The following RSBN1 variants were observed in gnomAD, a reference collection of about 807,000 sequenced individuals.
The protein encoded by RSBN1 is lysine-specific demethylase 9.
Under a neutral mutation model 74.8 loss-of-function variants are expected in RSBN1, and 23 were observed. The ratio of observed to expected loss-of-function variants is 0.31; its 90% CI spans 0.22 to 0.44. The LOEUF (loss-of-function observed/expected upper bound fraction) is 0.44, where lower values mean the gene tolerates loss of function less well. RSBN1 is among the 20% of genes least tolerant of loss of function. RSBN1 has a pLI of 1.00. For missense variants in RSBN1, 808 were observed against 1,020.9 expected (o/e 0.79, Z 2.84); for synonymous variants, 407 against 379.6 (o/e 1.07, Z -0.84).
intron 2 of RSBN1, among the ~76,000 whole-genome samples, chr1:113,790,928 G>C (rs1660351932): frequency 6.6e-6 from 1 of 152,118 alleles, no homozygotes; most frequent in African/African-American, 2.4e-5. Context: ...ATTTGAACTA[G>C]CAACCCCAAA....
At chr1:113,803,603 C>T (rs1282440774) in intron 1 of RSBN1, among the ~76,000 whole-genome samples, 1 of 152,054 alleles carries the variant, frequency 6.6e-6, no homozygotes, top group Non-Finnish European at 1.5e-5. Flanking sequence ...TTATAATAGT[C>T]CTAGAACATA....
chr1:113,783,739 T>G (rs892002418), intron 2 of RSBN1, among the ~76,000 whole-genome samples: 4 of 151,802 alleles, frequency 2.6e-5, no homozygotes, highest in Non-Finnish European at 5.9e-5. Context: ...CAACACAGAG[T>G]GGTAAAGAGC....
Position 113,767,220 on chromosome 1 carries a change from A to G in RSBN1, c.1827-13T>C. The G allele has an allele frequency of 6.7e-7, 1 of 1,488,044 alleles. No individual in the cohort carries two copies. The highest frequency in any genetic ancestry group is 1.4e-5 in the African/African-American group (1 of 71,128). 92.2% of individuals were successfully genotyped at this position (1,488,044 alleles called of 1,614,324 possible). The stretch of plus-strand genomic sequence containing the variant: ...AGGTTGGTCACTCCTAAGATTAACA[A>G]AATTAAGTTTCAGAGACAAACATCT... On this transcript the variant is annotated splice_polypyrimidine_tract_variant and intron_variant, in intron 5 of 6. Coordinates refer to ENST00000261441, the MANE Select transcript of RSBN1 (RefSeq NM_018364.5).
At chr1:113,774,596 G>T (rs919637431) in intron 4 of RSBN1, among the ~76,000 whole-genome samples, 6 of 152,092 alleles carry the variant, frequency 3.9e-5, no homozygotes, top group Admixed American at 1.3e-4. Flanking sequence ...AGAATGGTGT[G>T]AACCCGGGAG....
rs1375883693 is a variant in RSBN1, at chr1:113,765,603, T to A, written c.*377A>T. 3.9e-5 allele frequency: 7 copies of A among 180,436 alleles called. No individual in the cohort carries two copies. In the South Asian group the frequency reaches 8.8e-4, roughly 23 times the overall value. 11.2% of individuals were successfully genotyped at this position (180,436 alleles called of 1,614,324 possible). ...AGTACTAAACCATAAATCTTATTTA[T>A]CCATAAAAACAGCAAATATGGCAAG... On this transcript the variant is annotated 3_prime_UTR_variant, in exon 7 of 7. Coordinates refer to ENST00000261441, the MANE Select transcript of RSBN1 (RefSeq NM_018364.5).
intron 2 of RSBN1, among the ~76,000 whole-genome samples, chr1:113,783,843 T>C (rs954391253): frequency 2.0e-5 from 3 of 151,942 alleles, no homozygotes; most frequent in African/African-American, 4.8e-5. Flanking sequence ...AGGAACAGAG[T>C]TGCTTACCTC....
chr1:113,803,632 A>G (rs932213455), intron 1 of RSBN1, among the ~76,000 whole-genome samples: 13 of 152,218 alleles, frequency 8.5e-5, no homozygotes, highest in Non-Finnish European at 2.9e-5. Flanking sequence ...TCAATACATC[A>G]TAACTACTAT....
chr1:113,790,488 G>T (rs548059911), intron 2 of RSBN1, among the ~76,000 whole-genome samples: 1 of 152,260 alleles, frequency 6.6e-6, no homozygotes, highest in Admixed American at 6.5e-5. Context: ...TAACAGGAGA[G>T]AATGAGGAAA....
chr1:113,805,621 T>C (rs1464105820), intron 1 of RSBN1, among the ~76,000 whole-genome samples: 1 of 152,202 alleles, frequency 6.6e-6, no homozygotes, highest in African/African-American at 2.4e-5. Flanking sequence ...TTTTAAGCAT[T>C]TCACTTCATC....
intron 1 of RSBN1, among the ~76,000 whole-genome samples, chr1:113,799,965 G>T (rs1660549075): frequency 6.6e-6 from 1 of 151,994 alleles, no homozygotes; most frequent in South Asian, 2.1e-4. Flanking sequence ...AAGTAATTTG[G>T]AGTTAAGACA....
intron 2 of RSBN1, among the ~76,000 whole-genome samples, chr1:113,786,945 G>A (rs1284977158): frequency 6.6e-6 from 1 of 152,166 alleles, no homozygotes; most frequent in African/African-American, 2.4e-5. Flanking sequence ...ATTGGTACCA[G>A]GTAAGGCACT....
At chr1:113,809,605 T>C (rs897390008) in intron 1 of RSBN1, among the ~76,000 whole-genome samples, 1 of 152,256 alleles carries the variant, frequency 6.6e-6, no homozygotes, top group African/African-American at 2.4e-5. Context: ...TTCTCAAATG[T>C]ATTTGACCAA....
chr1:113,778,279 C>A (rs1454118913), intron 2 of RSBN1, among the ~76,000 whole-genome samples: 1 of 150,902 alleles, frequency 6.6e-6, no homozygotes, highest in African/African-American at 2.4e-5. Context: ...GTTACCAAGA[C>A]AGGCCAATCT....
At chr1:113,793,637 T>G (rs1042472188) in intron 2 of RSBN1, among the ~76,000 whole-genome samples, 2 of 152,054 alleles carry the variant, frequency 1.3e-5, no homozygotes, top group Admixed American at 6.6e-5. Context: ...CCTAGACACA[T>G]CTCTCAAACT....
At position 113,811,848 on chromosome 1, in the gene RSBN1, T is replaced by C. The variant is rs1261395998; in HGVS notation, c.565A>G (p.Lys189Glu). 2 of 1,613,602 alleles carry C rather than the reference T, an allele frequency of 1.2e-6. No individual in the cohort carries two copies. Among genetic ancestry groups the C allele is most frequent in the African/African-American group, 1.3e-5 (1 of 74,838 alleles). ...TGGTGATGGTGCTTGTGCCGCTCCT[T>C]GTGGCCCTTATGCTTGGGCCCGGCC... ...SAAGPKHKGH[K>E]ERHKHHHHRG... Residue 189 changes from lysine (K) to glutamate (E), a missense_variant, in exon 1 of 7, where the codon AAG becomes GAG. By Grantham distance (56) the Lys-to-Glu change is moderately conservative. Around this residue, in one of 6 missense-constraint regions of RSBN1, gnomAD observed 464 missense variants for 401.0 expected, o/e 1.16. Coordinates refer to ENST00000261441, the MANE Select transcript of RSBN1 (RefSeq NM_018364.5).
In RSBN1 at chr1:113,812,302, C is replaced by A. The variant is rs1361544835; in HGVS notation, c.111G>T (p.Ala37=). Residue 37 remains alanine (A), a synonymous_variant, in exon 1 of 7, where the codon GCG becomes GCT. Coordinates refer to ENST00000261441, the MANE Select transcript of RSBN1 (RefSeq NM_018364.5). ...AALARCADGG[A]VGPFKCVFVG... ...CAAACACACATTTAAATGGCCCGACCGCCCCCCCGTCCGCGCATCGCGCAA... is the reference window on the plus strand; with the variant it reads ...CAAACACACATTTAAATGGCCCGACAGCCCCCCCGTCCGCGCATCGCGCAA... The A allele has an allele frequency of 1.2e-6, 2 of 1,604,156 alleles. No individual in the cohort carries two copies. Among genetic ancestry groups the A allele is most frequent in the Non-Finnish European group, 1.7e-6 (2 of 1,179,824 alleles).
intron 2 of RSBN1, among the ~76,000 whole-genome samples, chr1:113,778,818 A>G (rs1404522686): frequency 2.0e-5 from 3 of 152,176 alleles, no homozygotes; most frequent in South Asian, 2.1e-4. Context: ...TGAGCAACAT[A>G]TATTTTCTCT....
At position 113,792,613 on chromosome 1, in the gene RSBN1, G is replaced by A. The variant is rs372425151; in HGVS notation, c.1377+4750C>T. Among the ~76,000 whole-genome samples the A allele has an allele frequency of 1.2e-4, 19 of 152,270 alleles. No individual in the cohort carries two copies. The East Asian group carries it at 1.7e-3, about 14-fold the overall frequency. Reference sequence around the variant, plus strand: ...TAGCTACTCTAGAGGCTGAGGCACTGGAAATAGCACCTGAAAGCGAAGAAC... The same window carrying A: ...TAGCTACTCTAGAGGCTGAGGCACTAGAAATAGCACCTGAAAGCGAAGAAC... On this transcript the variant is annotated intron_variant, in intron 2 of 6. Coordinates refer to ENST00000261441, the MANE Select transcript of RSBN1 (RefSeq NM_018364.5).
chr1:113,806,721 C>T (rs760230819), intron 1 of RSBN1, among the ~76,000 whole-genome samples: 3 of 151,228 alleles, frequency 2.0e-5, no homozygotes, highest in African/African-American at 7.3e-5. Flanking sequence ...GTAGAAAGGA[C>T]CAGGCACAGT....
Sources: gnomAD v4.1 joint callset for allele counts (sites outside exome capture counted in the v4.1 genomes callset) on GRCh38, gnomAD v4.1.1 for gene constraint, gnomAD v4.1.1 regional missense constraint, MANE v1.5 for transcripts, NCBI Gene and HGNC (gene_info 2026-07-23, HGNC 2026-07-21) for gene names.